Variants in PPWD1 observed in about 807,000 individuals in gnomAD.
PPWD1 encodes the protein peptidylprolyl isomerase domain and WD repeat-containing protein 1.
A neutral mutation model predicts 68.8 loss-of-function variants in PPWD1; 43 were observed. The ratio of observed to expected loss-of-function variants is 0.62; its 90% CI spans 0.49 to 0.81. The LOEUF is 0.81. Among genes scored for constraint, PPWD1 ranks in the 30% least tolerant of loss-of-function variants. The probability of loss-of-function intolerance (pLI) is 0.00; values close to 1 mark genes in which losing one functional copy is unlikely to be tolerated. For missense variants in PPWD1, 672 were observed against 804.8 expected (o/e 0.83, Z 2.00); for synonymous variants, 232 against 258.7 (o/e 0.90, Z 0.99).
intron 6 of PPWD1, among the ~76,000 whole-genome samples, chr5:65,577,468 A>G (rs1753350642): frequency 6.6e-6 from 1 of 152,242 alleles, no homozygotes; most frequent in South Asian, 2.1e-4. Context: ...AACCACAGTA[A>G]GCCTTTTTTG....
At position 65,585,094 on chromosome 5, in the gene PPWD1, A is replaced by G. The variant is rs753694080; in HGVS notation, c.1613A>G (p.Lys538Arg). 3 of 1,607,116 alleles carry G rather than the reference A, an allele frequency of 1.9e-6. No individual in the cohort carries two copies. The African/African-American group carries it at 4.0e-5, about 22-fold the overall frequency. The change falls in exon 9 of 11, where the codon AAG becomes AGG. Residue 538 changes from lysine to arginine, a missense_variant and splice_region_variant. Lys to Arg is a conservative substitution (Grantham distance 26). Coordinates refer to ENST00000261308, the MANE Select transcript of PPWD1 (RefSeq NM_015342.4). ...YNGHTFHRII[K>R]GFMIQTGDPT... ...GGGCATACATTTCACCGTATAATTA[A>G]GGTAAGTTACATAAATTTCATGTCA...
chr5:65,574,859 G>C (rs183855945), intron 5 of PPWD1, among the ~76,000 whole-genome samples: 2 of 152,368 alleles, frequency 1.3e-5, no homozygotes, highest in African/African-American at 4.8e-5. Context: ...AGCCTGAGGT[G>C]ACAAGAAGTC....
chr5:65,570,056 C>T, intron 4 of PPWD1, 58 bp downstream of exon 4: 2 of 1,456,044 alleles, frequency 1.4e-6, no homozygotes, highest in Non-Finnish European at 1.9e-6. Flanking sequence ...GTAAATCAGA[C>T]TTTACCATTT....
chr5:65,567,559 C>T lies in PPWD1; in HGVS notation c.243C>T (p.Ser81=). Residue 81 remains serine (S), a synonymous_variant, in exon 2 of 11, where the codon TCC becomes TCT. Coordinates refer to ENST00000261308, the MANE Select transcript of PPWD1 (RefSeq NM_015342.4). ...RVYLDNLPSA[S]MYERSYMHRD... is the part of the protein sequence containing the mutation. ...ATCTTGATAATCTCCCCAGTGCATC[C>T]ATGTATGAGCGCAGTTACATGCATA... The T allele has an allele frequency of 6.2e-7, 1 of 1,611,522 alleles. No individual in the cohort carries two copies. The highest frequency in any genetic ancestry group is 8.5e-7 in the Non-Finnish European group (1 of 1,178,812).
intron 2 of PPWD1, chr5:65,568,164 C>G (rs1752858890): frequency 6.6e-6 from 1 of 152,086 alleles, no homozygotes; most frequent in Admixed American, 6.6e-5. Context: ...TGTAAATATT[C>G]TAAAATCTGA....
At position 65,572,173 on chromosome 5, in the gene PPWD1, G is replaced by C; in HGVS notation, c.856G>C (p.Val286Leu). The change falls in exon 5 of 11, where the codon GTA (valine) becomes CTA (leucine). Residue 286 changes from valine to leucine, a missense_variant. Physicochemically the swap from Val to Leu is conservative, Grantham distance 32. This residue lies in a region of PPWD1 where 484 missense variants were observed against 646.2 expected (regional missense o/e 0.75). Coordinates refer to ENST00000261308, the MANE Select transcript of PPWD1 (RefSeq NM_015342.4). ...CAAGTGTAAGGCTTATCCAACCAGC[G>C]TATGTTTTTCACCAGATGGGAAGAA... is the stretch of plus-strand genomic sequence containing the variant. ...FAKCKAYPTS[V>L]CFSPDGKKIA... 6.2e-7 allele frequency: 1 copy of C among 1,613,896 alleles called. No homozygotes were observed. Among genetic ancestry groups the C allele is most frequent in the African/African-American group, 1.3e-5 (1 of 75,024 alleles).
At chr5:65,567,488 T>C (rs990289178) in intron 1 of PPWD1, 25 bp from the exon 2 acceptor site, 1 of 1,589,508 alleles carries the variant, frequency 6.3e-7, no homozygotes, top group Non-Finnish European at 8.6e-7. Flanking sequence ...AAAATAGATC[T>C]TATACTTTAC....
At chr5:65,571,241 C>A (rs1359101789) in intron 4 of PPWD1, among the ~76,000 whole-genome samples, 1 of 152,134 alleles carries the variant, frequency 6.6e-6, no homozygotes, top group East Asian at 1.9e-4. Context: ...TTGAAGGAAA[C>A]AACATTCATT....
Position 65,569,657 on chromosome 5 carries a change from C to A in PPWD1, c.325C>A (p.His109Asn). ...TKTDFIITAS[H>N]DGHVKFWKKI... ...AACAGATTTTATTATTACTGCCAGT[C>A]ATGATGGACATGTCAAGTTCTGGAA... is the stretch of plus-strand genomic sequence containing the variant. Residue 109 changes from histidine (H) to asparagine (N), a missense_variant, in exon 3 of 11, where the codon CAT becomes AAT. Transcript: ENST00000261308. 1 of 1,594,232 alleles carries A rather than the reference C, an allele frequency of 6.3e-7. No individual in the cohort carries two copies. Among genetic ancestry groups the A allele is most frequent in the South Asian group, 1.1e-5 (1 of 89,538 alleles).
At chr5:65,565,918 C>T (rs934954283) in intron 1 of PPWD1, among the ~76,000 whole-genome samples, 3 of 151,428 alleles carry the variant, frequency 2.0e-5, no homozygotes, top group African/African-American at 7.3e-5. Flanking sequence ...TCTAAATGGA[C>T]AAGTATTTAA....
chr5:65,583,328 T>C (rs1471905829), intron 8 of PPWD1, 109 bp downstream of exon 8: 3 of 1,205,660 alleles, frequency 2.5e-6, no homozygotes, highest in Non-Finnish European at 2.2e-6. Flanking sequence ...TAAGGAATTT[T>C]GAAGAAACGT....
At chr5:65,584,045 AC>A (rs1753713885) in intron 8 of PPWD1, among the ~76,000 whole-genome samples, 1 of 152,220 alleles carries the variant, frequency 6.6e-6, no homozygotes, top group South Asian at 2.1e-4. Flanking sequence ...AAATTAACAT[AC>A]AATGTCAAAT....
intron 7 of PPWD1, among the ~76,000 whole-genome samples, chr5:65,581,894 A>G (rs764815081): frequency 5.7e-4 from 87 of 152,332 alleles, no homozygotes; most frequent in Non-Finnish European, 1.1e-3. Context: ...ATCCAACATG[A>G]AATAAAAGTA....
intron 1 of PPWD1, among the ~76,000 whole-genome samples, chr5:65,566,612 G>T (rs558773039): frequency 6.6e-6 from 1 of 152,060 alleles, no homozygotes; most frequent in Admixed American, 6.5e-5. Context: ...GAAACAGCTC[G>T]TCATGTTTAA....
Position 65,565,138 on chromosome 5 carries a change from C to T in PPWD1, c.196+1632C>T, listed in dbSNP as rs992576953. 7.9e-5 allele frequency among the ~76,000 whole-genome samples: 12 copies of T among 152,248 alleles called. No homozygotes were observed. The East Asian group carries it at 1.9e-3, about 24-fold the overall frequency. ...TAACCATTTTATTTATGGCACTTGC[C>T]GCAGTTTCTAATTATATATTTATTC... On this transcript the variant is annotated intron_variant, in intron 1 of 10. Coordinates refer to ENST00000261308, the MANE Select transcript of PPWD1 (RefSeq NM_015342.4).
At chr5:65,573,470 TA>T (rs199914013) in intron 5 of PPWD1, among the ~76,000 whole-genome samples, 24 of 68,556 alleles carry the variant, frequency 3.5e-4, no homozygotes, top group African/African-American at 1.6e-3. Flanking sequence ...TATATATATA[TA>T]TATATTTTTT....
intron 2 of PPWD1, chr5:65,568,163 T>C (rs1752858778): frequency 6.6e-6 from 1 of 152,196 alleles, no homozygotes; most frequent in Non-Finnish European, 1.5e-5. Context: ...ATGTAAATAT[T>C]CTAAAATCTG....
intron 5 of PPWD1, among the ~76,000 whole-genome samples, chr5:65,573,548 T>TTTTTTTTTTTTTTTTTTTTTTTTC (rs1753134665): frequency 1.9e-5 from 1 of 52,282 alleles, no homozygotes; most frequent in South Asian, 7.0e-4. Context: ...TTTTTTTTTT[T>TTTTTTTTTTTTTTTTTTTTTTTTC]TTTTTAAGTA....
Position 65,585,027 on chromosome 5 carries a change from G to A in PPWD1, c.1546G>A (p.Val516Met). Reference protein sequence around the residue: ...KLFPVECPKTVENFCVHSRNG... With the variant: ...KLFPVECPKTMENFCVHSRNG... ...ATGTCTTAATAGGTGCCCTAAGACA[G>A]TGGAAAACTTCTGTGTTCACAGCAG... The change falls in exon 9 of 11, where the codon GTG (valine) becomes ATG (methionine). Residue 516 changes from valine (V) to methionine (M), a missense_variant. By Grantham distance (21) the Val-to-Met change is conservative. Around this residue, in one of 2 missense-constraint regions of PPWD1, gnomAD observed 484 missense variants for 646.2 expected, o/e 0.75. Transcript: ENST00000261308. The A allele has an allele frequency of 6.2e-7, 1 of 1,612,104 alleles. No individual in the cohort carries two copies. The highest frequency in any genetic ancestry group is 8.5e-7 in the Non-Finnish European group (1 of 1,178,430).
Sources: allele counts gnomAD v4.1 joint callset (sites outside exome capture counted in the v4.1 genomes callset), GRCh38; gene constraint gnomAD v4.1.1; regional missense constraint gnomAD v4.1.1; transcripts MANE v1.5; gene names NCBI Gene and HGNC (gene_info 2026-07-23, HGNC 2026-07-21).